TJP1: variants seen among roughly 807,000 people sequenced by gnomAD.
TJP1 encodes the protein tight junction protein 1.
In TJP1, 43 loss-of-function variants were observed where a neutral mutation model predicts 194.2. That is an observed-to-expected ratio of 0.22 (90% CI 0.17 to 0.29). The LOEUF (loss-of-function observed/expected upper bound fraction) is 0.29, where lower values mean the gene tolerates loss of function less well. Among genes scored for constraint, TJP1 ranks in the 10% least tolerant of loss-of-function variants. The pLI is 1.00. For synonymous variants in TJP1, 801 were observed against 779.0 expected (o/e 1.03, Z -0.47); for missense variants, 1,971 against 2,185.7 (o/e 0.90, Z 1.96).
chr15:29,927,919 T>A (rs2054575010), intron 2 of TJP1, among the ~76,000 whole-genome samples: 1 of 152,150 alleles, frequency 6.6e-6, no homozygotes, highest in Non-Finnish European at 1.5e-5. Flanking sequence ...TAGTTCTGAA[T>A]CATTTCAGTC....
intron 2 of TJP1, among the ~76,000 whole-genome samples, chr15:29,900,570 A>G (rs1280708684): frequency 2.0e-5 from 3 of 152,210 alleles, no homozygotes; most frequent in Non-Finnish European, 4.4e-5. Context: ...GACTGGATAC[A>G]TGCAGAGCTG....
intron 2 of TJP1, among the ~76,000 whole-genome samples, chr15:29,949,725 CCAT>C (rs2055560532): frequency 1.7e-5 from 2 of 118,554 alleles, no homozygotes; most frequent in African/African-American, 2.9e-5. Context: ...ACCTCCACCG[CCAT>C]CACCTCCACC....
At chr15:29,724,145 A>T (rs532725101) in intron 18 of TJP1, among the ~76,000 whole-genome samples, 6 of 152,188 alleles carry the variant, frequency 3.9e-5, no homozygotes, top group Admixed American at 1.3e-4. Context: ...CTTTCCACGC[A>T]GTCCCCATGC....
chr15:29,863,435 C>T (rs1273698555), intron 2 of TJP1, among the ~76,000 whole-genome samples: 1 of 152,156 alleles, frequency 6.6e-6, no homozygotes, highest in African/African-American at 2.4e-5. Context: ...CAGCTCACAA[C>T]GAGTTCTCAG....
intron 2 of TJP1, among the ~76,000 whole-genome samples, chr15:29,949,662 C>T (rs1473679556): frequency 3.0e-4 from 35 of 117,090 alleles, no homozygotes; most frequent in African/African-American, 8.9e-4. Flanking sequence ...ACCTCCACCT[C>T]CACAACCACC....
chr15:29,834,094 G>A (rs1217373749), intron 2 of TJP1, among the ~76,000 whole-genome samples: 3 of 149,540 alleles, frequency 2.0e-5, no homozygotes, highest in Admixed American at 6.7e-5. Flanking sequence ...TGTTAGCCAC[G>A]ATGGTCTCAA....
At chr15:29,751,179 AG>A (rs1175824156) in intron 8 of TJP1, among the ~76,000 whole-genome samples, 4 of 152,242 alleles carry the variant, frequency 2.6e-5, no homozygotes, top group Non-Finnish European at 5.9e-5. Flanking sequence ...CAAGAGATAC[AG>A]GGCTGGTACT....
chr15:29,870,625 G>T (rs192341605), intron 2 of TJP1, among the ~76,000 whole-genome samples: 1 of 152,284 alleles, frequency 6.6e-6, no homozygotes, highest in Admixed American at 6.5e-5. Flanking sequence ...TTTTTAGCTT[G>T]CGGGTGAGTG....
At chr15:29,720,153 T>TG (rs2042840415) in intron 19 of TJP1, 137 bp from the exon 20 acceptor site, 4 of 1,292,076 alleles carry the variant, frequency 3.1e-6, no homozygotes, top group South Asian at 3.2e-5. Context: ...CTAAACTTTT[T>TG]GGGAAAAAAA....
intron 2 of TJP1, among the ~76,000 whole-genome samples, chr15:29,934,823 T>A (rs567722617): frequency 6.6e-6 from 1 of 152,356 alleles, no homozygotes; most frequent in South Asian, 2.1e-4. Flanking sequence ...CTATGAGTAG[T>A]GTGAAGGGTT....
chr15:29,855,169 A>G (rs1177347656), intron 2 of TJP1, among the ~76,000 whole-genome samples: 1 of 152,160 alleles, frequency 6.6e-6, no homozygotes, highest in Non-Finnish European at 1.5e-5. Flanking sequence ...ATGGACCTAT[A>G]TGAAAAAAAA....
At chr15:29,727,788 T>G in intron 16 of TJP1, 149 bp downstream of exon 16, 1 of 622,812 alleles carries the variant, frequency 1.6e-6, no homozygotes, top group Non-Finnish European at 2.8e-6. Flanking sequence ...AAAGTAATCA[T>G]TATAATGCTT....
At chr15:29,869,331 A>G (rs1387768618) in intron 2 of TJP1, among the ~76,000 whole-genome samples, 1 of 152,110 alleles carries the variant, frequency 6.6e-6, no homozygotes, top group Non-Finnish European at 1.5e-5. Flanking sequence ...ATTTAGAGAG[A>G]TACTGTTTAT....
chr15:29,748,997 T>C (rs2045047733), intron 8 of TJP1, among the ~76,000 whole-genome samples: 1 of 151,916 alleles, frequency 6.6e-6, no homozygotes. Flanking sequence ...AGGAAAGCTT[T>C]CTATAAAAAT....
chr15:29,712,741 A>G (rs1218311772), intron 23 of TJP1, among the ~76,000 whole-genome samples: 1 of 151,970 alleles, frequency 6.6e-6, no homozygotes, highest in Non-Finnish European at 1.5e-5. Context: ...AAAGAAATTT[A>G]TCAAATCAAA....
At chr15:29,894,207 C>G (rs1320331133) in intron 2 of TJP1, among the ~76,000 whole-genome samples, 1 of 152,128 alleles carries the variant, frequency 6.6e-6, no homozygotes, top group East Asian at 1.9e-4. Flanking sequence ...GCCTGTAATC[C>G]CAGCACCTTG....
chr15:29,900,977 G>A (rs975500372), intron 2 of TJP1, among the ~76,000 whole-genome samples: 1 of 152,136 alleles, frequency 6.6e-6, no homozygotes, highest in Non-Finnish European at 1.5e-5. Context: ...ATATCTAGGA[G>A]GGCTGCCTGG....
chr15:29,856,693 G>A (rs1325029056), intron 2 of TJP1, among the ~76,000 whole-genome samples: 2 of 151,998 alleles, frequency 1.3e-5, no homozygotes, highest in Admixed American at 6.6e-5. Flanking sequence ...TGTGGGTGCG[G>A]CCAGGTGTGG....
chr15:29,864,102 A>G (rs1483143539), intron 2 of TJP1, among the ~76,000 whole-genome samples: 2 of 152,056 alleles, frequency 1.3e-5, no homozygotes, highest in Non-Finnish European at 2.9e-5. Context: ...AAAATTAAAA[A>G]GTTGTACCCG....
Sources: gnomAD v4.1 joint callset for allele counts (sites outside exome capture counted in the v4.1 genomes callset) on GRCh38, gnomAD v4.1.1 for gene constraint, MANE v1.5 for transcripts, NCBI Gene and HGNC (gene_info 2026-07-23, HGNC 2026-07-21) for gene names.